Variants in BRD3 observed in about 807,000 individuals in gnomAD.
BRD3 encodes the protein bromodomain-containing protein 3.
Under a neutral mutation model 66.8 loss-of-function variants are expected in BRD3, and 17 were observed. That is an observed-to-expected ratio of 0.25 (90% confidence interval 0.17 to 0.38). The LOEUF is 0.38. BRD3 is among the 10% of genes least tolerant of loss of function. BRD3 has a pLI of 1.00. For missense variants in BRD3, 713 were observed against 956.1 expected, an observed-to-expected ratio of 0.75 and a Z score of 3.35; for synonymous variants, 421 against 393.2, an observed-to-expected ratio of 1.07 and a Z score of -0.84.
chr9:134,038,721 A>C (rs531833367), intron 9 of BRD3, among the ~76,000 whole-genome samples: 1 of 152,340 alleles, frequency 6.6e-6, no homozygotes, highest in African/African-American at 2.4e-5. Context: ...CGTGACGCTC[A>C]AAGGAAATGC....
chr9:134,045,528 C>T lies in BRD3; in HGVS notation c.1087-107G>A, dbSNP rs1830148723. ...GAGCCTCAGGAGCCACTGCCAGCTC[C>T]AGGGCAGTGCCTACTGGCCTGGCCG... On this transcript the variant is annotated intron_variant, in intron 6 of 11. Coordinates refer to ENST00000303407, the MANE Select transcript of BRD3 (RefSeq NM_007371.4). The surrounding 1 kb of genome is among the most constrained non-coding windows in gnomAD (Gnocchi z 4.8). 6.6e-7 allele frequency: 1 copy of T among 1,516,512 alleles called. No individual in the cohort carries two copies. The highest frequency in any genetic ancestry group is 1.8e-5 in the Admixed American group (1 of 56,666). The allele number at this position is 1,516,512 out of a possible 1,614,324, so 93.9% of individuals were successfully genotyped here. A position where few individuals can be genotyped will look rare whatever the true frequency, so the allele number is the denominator to read the frequency against.
Position 134,032,264 on chromosome 9 carries a change from A to G in BRD3, c.*1326T>C. On this transcript the variant is annotated 3_prime_UTR_variant, in exon 12 of 12. Transcript: ENST00000303407. ...AAATCAAGACTTAGATTTACTATAC[A>G]TTTTTTCTCTCAGATTACAAAGTTT... The G allele has an allele frequency of 4.6e-6, 1 of 217,616 alleles. No individual in the cohort carries two copies. Among genetic ancestry groups the G allele is most frequent in the East Asian group, 6.8e-5 (1 of 14,602 alleles). 13.5% of individuals were successfully genotyped at this position (217,616 alleles called of 1,614,324 possible). A position where few individuals can be genotyped will look rare whatever the true frequency, so the allele number is the denominator to read the frequency against.
At position 134,041,880 on chromosome 9, in the gene BRD3, C is replaced by T. The variant is rs768208572; in HGVS notation, c.1287G>A (p.Ala429=). 49 of 1,611,852 alleles carry T rather than the reference C, an allele frequency of 3.0e-5. No homozygotes were observed. The highest frequency in any genetic ancestry group is 1.7e-4 in the Admixed American group (10 of 59,834). ...CAGCGCCCTTGCTCACCATGGGGGC[C>T]GCGGGGGCAGGCAGCGCCGGTGCCT... ...PVEAPALPAP[A]APMVSKGAES... Residue 429 remains alanine (A), a synonymous_variant, in exon 8 of 12, where the codon GCG becomes GCA. Coordinates refer to ENST00000303407, the MANE Select transcript of BRD3 (RefSeq NM_007371.4).
chr9:134,033,775 A>T lies in BRD3; in HGVS notation c.2066-70T>A. 3.0e-6 allele frequency: 2 copies of T among 666,564 alleles called. No individual in the cohort carries two copies. Among genetic ancestry groups the T allele is most frequent in the Non-Finnish European group, 5.5e-6 (2 of 363,126 alleles). 41.3% of individuals were successfully genotyped at this position (666,564 alleles called of 1,614,324 possible). ...TGACCCGCTTGGCGGCATGTCGTCCATGCCAGCGTGACACCATCACACTGG... is the reference window on the plus strand; with the variant it reads ...TGACCCGCTTGGCGGCATGTCGTCCTTGCCAGCGTGACACCATCACACTGG... On this transcript the variant is annotated intron_variant, in intron 11 of 11. Transcript: ENST00000303407. This position sits in a 1 kb window ranked among gnomAD's most constrained non-coding sequence, Gnocchi z 5.1.
chr9:134,042,112 G>A (rs1387604717), intron 7 of BRD3, among the ~76,000 whole-genome samples, 161 bp from the exon 8 acceptor site: 1 of 152,162 alleles, frequency 6.6e-6, no homozygotes, highest in Non-Finnish European at 1.5e-5. Flanking sequence ...GGGGGCTGTG[G>A]TTGCTTCCAG....
chr9:134,040,228 G>A lies in BRD3; in HGVS notation c.1449C>T (p.Ala483=). 1 of 1,593,452 alleles carries A rather than the reference G, an allele frequency of 6.3e-7. No homozygotes were observed. Among genetic ancestry groups the A allele is most frequent in the Non-Finnish European group, 8.5e-7 (1 of 1,170,570 alleles). ...VHEQLAALSQ[A]PVNKPKKKKE... ...TCTTCTTCTTTGGTTTGTTTACTGG[G>A]GCCTGAGACAGGGCGGCCAGCTGCT... The change falls in exon 9 of 12, where the codon GCC becomes GCT. Residue 483 remains alanine (A), a synonymous_variant. Coordinates refer to ENST00000303407, the MANE Select transcript of BRD3 (RefSeq NM_007371.4).
At chr9:134,044,742 G>GC (rs958261926) in intron 7 of BRD3, among the ~76,000 whole-genome samples, 2 of 152,150 alleles carry the variant, frequency 1.3e-5, no homozygotes, top group African/African-American at 4.8e-5. Flanking sequence ...TGAGGTTTGT[G>GC]CATGTTCACA....
chr9:134,050,623 G>A (rs200660740), intron 4 of BRD3, 35 bp from the exon 5 acceptor site: 1 of 1,546,064 alleles, frequency 6.5e-7, no homozygotes, highest in Non-Finnish European at 8.8e-7. Flanking sequence ...AACACACCAG[G>A]CTCCACTAGT....
At chr9:134,066,781 C>CAAGTTTAATGT (rs1214788100) in intron 1 of BRD3, among the ~76,000 whole-genome samples, 1 of 152,216 alleles carries the variant, frequency 6.6e-6, no homozygotes, top group Admixed American at 6.5e-5. Flanking sequence ...AGACAATGAC[C>CAAGTTTAATGT]AAGTTTAATG....
At chr9:134,048,769 C>T (rs1691369232) in intron 5 of BRD3, among the ~76,000 whole-genome samples, 1 of 152,210 alleles carries the variant, frequency 6.6e-6, no homozygotes, top group East Asian at 1.9e-4. Flanking sequence ...CCTCACACCC[C>T]AAGCCATGTG....
chr9:134,044,547 CAGT>C (rs1327783283), intron 7 of BRD3, among the ~76,000 whole-genome samples: 2 of 152,156 alleles, frequency 1.3e-5, no homozygotes, highest in African/African-American at 4.8e-5. Flanking sequence ...ACATTTATAA[CAGT>C]GGTGCTGTTA....
Position 134,032,939 on chromosome 9 carries a change from C to G in BRD3, c.*651G>C, listed in dbSNP as rs928247970. On this transcript the variant is annotated 3_prime_UTR_variant, in exon 12 of 12. Transcript: ENST00000303407. ...CCTGCAGGCTGCATACACAGCCGCT[C>G]TGTTCCCTCCGAGGAGCTCCTGACA... is the stretch of plus-strand genomic sequence containing the variant. The G allele has an allele frequency of 2.7e-6, 1 of 375,358 alleles. No homozygotes were observed. Among genetic ancestry groups the G allele is most frequent in the Non-Finnish European group, 4.7e-6 (1 of 212,498 alleles). 23.3% of individuals were successfully genotyped at this position (375,358 alleles called of 1,614,324 possible). A position where few individuals can be genotyped will look rare whatever the true frequency, so the allele number is the denominator to read the frequency against.
intron 1 of BRD3, among the ~76,000 whole-genome samples, chr9:134,063,065 T>C (rs1029632575): frequency 3.0e-4 from 45 of 152,346 alleles, no homozygotes; most frequent in African/African-American, 1.1e-3. Context: ...GAGACAGGCC[T>C]GGCCTCACTG....
intron 7 of BRD3, among the ~76,000 whole-genome samples, chr9:134,042,379 C>T (rs913873966): frequency 1.3e-5 from 2 of 152,200 alleles, no homozygotes; most frequent in African/African-American, 4.8e-5. Flanking sequence ...ATCTCTTCAC[C>T]CCGGAACTGA....
chr9:134,064,831 T>A (rs562757982), intron 1 of BRD3, among the ~76,000 whole-genome samples: 6 of 152,216 alleles, frequency 3.9e-5, no homozygotes, highest in African/African-American at 1.4e-4. Context: ...GGAAGGAGAA[T>A]AGGCAAAGAA....
Position 134,048,220 on chromosome 9 carries a change from T to C in BRD3, c.949A>G (p.Ser317Gly). 6.2e-7 allele frequency: 1 copy of C among 1,612,918 alleles called. No individual in the cohort carries two copies. The highest frequency in any genetic ancestry group is 8.5e-7 in the Non-Finnish European group (1 of 1,179,884). Residue 317 changes from serine to glycine, a missense_variant, in exon 6 of 12, where the codon AGC becomes GGC. Ser to Gly is a moderately conservative substitution (Grantham distance 56). Transcript: ENST00000303407. ...KLSEHLRYCD[S>G]ILREMLSKKH... Reference sequence around the variant, plus strand: ...TTGGATAGCATCTCCCTGAGGATGCTGTCGCAGTAGCGTAGGTGCTCCGAC... The same window carrying C: ...TTGGATAGCATCTCCCTGAGGATGCCGTCGCAGTAGCGTAGGTGCTCCGAC...
Position 134,036,141 on chromosome 9 carries a change from G to T in BRD3, c.1827C>A (p.Ser609=), listed in dbSNP as rs766035056. 6.2e-7 allele frequency: 1 copy of T among 1,614,238 alleles called. No homozygotes were observed. The highest frequency in any genetic ancestry group is 1.7e-5 in the Admixed American group (1 of 60,028). The change falls in exon 10 of 12, where the codon TCC becomes TCA. Residue 609 remains serine (S), a synonymous_variant. Transcript: ENST00000303407. ...AGTCAATTTCTATCTCGTCGGGGTT[G>T]GAGTCCCTGAGCGAGGGCTCCCGAG... ...IQSREPSLRD[S]NPDEIEIDFE... is the part of the protein sequence containing the mutation.
At chr9:134,058,975 C>T (rs1018575926) in intron 1 of BRD3, among the ~76,000 whole-genome samples, 1 of 152,206 alleles carries the variant, frequency 6.6e-6, no homozygotes, top group Non-Finnish European at 1.5e-5. Context: ...GTGCTGGCAG[C>T]GCCTGCTGGA....
At chr9:134,042,790 TATACAC>T (rs556492998) in intron 7 of BRD3, among the ~76,000 whole-genome samples, 5,032 of 47,012 alleles carry the variant, frequency 0.11, 297 homozygotes, top group African/African-American at 0.23. Context: ...TATACACAAA[TATACAC>T]ACACACACAC....
Sources: gnomAD v4.1 joint callset for allele counts (sites outside exome capture counted in the v4.1 genomes callset) on GRCh38, gnomAD v4.1.1 for gene constraint, Gnocchi (gnomAD v3.1) non-coding constraint, MANE v1.5 for transcripts, NCBI Gene and HGNC (gene_info 2026-07-23, HGNC 2026-07-21) for gene names.